Variants in SPIRE1 observed in about 807,000 individuals in gnomAD.
SPIRE1 encodes spire type actin nucleation factor 1, also known as protein spire homolog 1.
In SPIRE1, 40 loss-of-function variants were observed where a neutral mutation model predicts 94.1. The ratio of observed to expected loss-of-function variants is 0.43; its 90% CI spans 0.33 to 0.55. SPIRE1 has a LOEUF of 0.55. SPIRE1 is among the 20% of genes least tolerant of loss of function. The pLI is 0.06. For synonymous variants in SPIRE1, 376 were observed against 371.7 expected (o/e 1.01, Z -0.13); for missense variants, 838 against 975.2 (o/e 0.86, Z 1.87).
intron 4 of SPIRE1, among the ~76,000 whole-genome samples, chr18:12,522,316 G>T (rs927348719): frequency 8.5e-5 from 13 of 152,198 alleles, no homozygotes; most frequent in South Asian, 2.1e-4. Context: ...CTAATCCTAA[G>T]CAGGGCTCAA....
intron 6 of SPIRE1, among the ~76,000 whole-genome samples, chr18:12,505,961 A>G (rs893060673): frequency 1.3e-5 from 2 of 152,352 alleles, no homozygotes; most frequent in Admixed American, 1.3e-4. Flanking sequence ...ATTGATCAAC[A>G]TGTTAACAAA....
At chr18:12,655,803 G>T (rs577336195) in intron 1 of SPIRE1, among the ~76,000 whole-genome samples, 16 of 152,296 alleles carry the variant, frequency 1.1e-4, no homozygotes, top group Admixed American at 5.2e-4. Context: ...CTGGGGGCTT[G>T]TTCTCTCCGG....
At chr18:12,529,195 C>T (rs1366664728) in intron 4 of SPIRE1, among the ~76,000 whole-genome samples, 1 of 152,136 alleles carries the variant, frequency 6.6e-6, no homozygotes, top group African/African-American at 2.4e-5. Flanking sequence ...TGGTGAAACC[C>T]CGTCTCTACT....
rs766459543 is a variant in SPIRE1 at position 12,623,949 on chromosome 18, A to C, written c.372+11113T>G. 5.9e-4 allele frequency among the ~76,000 whole-genome samples: 82 copies of C among 139,276 alleles called. 1 individual carries two copies. The highest frequency in any genetic ancestry group is 3.0e-3 in the South Asian group (13 of 4,352). The allele number at this position is 139,276 out of a possible 152,430, so 91.4% of individuals were successfully genotyped here. A position where few individuals can be genotyped will look rare whatever the true frequency, so the allele number is the denominator to read the frequency against. Reference sequence around the variant, plus strand: ...GGCCTTTTTTTTTTTCTTGAGATGGAGTCTCACTCTGTCGCCCAGGTTGGT... The same window carrying C: ...GGCCTTTTTTTTTTTCTTGAGATGGCGTCTCACTCTGTCGCCCAGGTTGGT... On this transcript the variant is annotated intron_variant, in intron 2 of 16. Transcript: ENST00000409402.
chr18:12,641,596 T>C (rs2038087593), intron 1 of SPIRE1, among the ~76,000 whole-genome samples: 1 of 151,772 alleles, frequency 6.6e-6, no homozygotes, highest in Non-Finnish European at 1.5e-5. Flanking sequence ...CTTGATCTCT[T>C]GACCTCATGA....
At chr18:12,454,200 T>A (rs753017955) in intron 13 of SPIRE1, 146 bp downstream of exon 13, 4 of 907,080 alleles carry the variant, frequency 4.4e-6, no homozygotes, top group Non-Finnish European at 1.7e-6. Flanking sequence ...ACAGCACATG[T>A]ACTGTCTACT....
At chr18:12,453,447 T>C (rs1308158846) in intron 13 of SPIRE1, among the ~76,000 whole-genome samples, 1 of 151,824 alleles carries the variant, frequency 6.6e-6, no homozygotes, top group African/African-American at 2.4e-5. Context: ...TTTTTTTTTT[T>C]TTATGAGATG....
intron 2 of SPIRE1, among the ~76,000 whole-genome samples, chr18:12,553,863 G>A (rs1475407823): frequency 6.6e-6 from 1 of 151,980 alleles, no homozygotes; most frequent in Non-Finnish European, 1.5e-5. Flanking sequence ...ATAAATAAAA[G>A]TGAAACAACA....
At chr18:12,561,286 T>TTTTTTA (rs2035676178) in intron 2 of SPIRE1, among the ~76,000 whole-genome samples, 2 of 133,310 alleles carry the variant, frequency 1.5e-5, no homozygotes, top group African/African-American at 5.1e-5. Flanking sequence ...TTTTTTTTTT[T>TTTTTTA]GAGACGGAGT....
intron 2 of SPIRE1, among the ~76,000 whole-genome samples, chr18:12,617,133 T>C (rs1026620521): frequency 1.4e-5 from 2 of 147,664 alleles, no homozygotes; most frequent in African/African-American, 5.0e-5. Context: ...GTGCTGGGAT[T>C]ACAGGCATGA....
At chr18:12,500,612 T>C (rs914792624) in intron 6 of SPIRE1, among the ~76,000 whole-genome samples, 6 of 152,026 alleles carry the variant, frequency 3.9e-5, no homozygotes, top group African/African-American at 1.4e-4. Context: ...CACTCCCAGG[T>C]ATATACCCCA....
chr18:12,475,056 A>G (rs1402848706), intron 10 of SPIRE1, among the ~76,000 whole-genome samples: 1 of 152,174 alleles, frequency 6.6e-6, no homozygotes, highest in African/African-American at 2.4e-5. Flanking sequence ...CAGAGTCACT[A>G]GATGCCAGAC....
chr18:12,547,346 T>C (rs2035203535), intron 2 of SPIRE1, among the ~76,000 whole-genome samples: 1 of 152,148 alleles, frequency 6.6e-6, no homozygotes, highest in Non-Finnish European at 1.5e-5. Flanking sequence ...AACACATCTC[T>C]CTCAGACGAT....
chr18:12,558,108 C>T (rs143261626), intron 2 of SPIRE1, among the ~76,000 whole-genome samples: 3,869 of 152,276 alleles, frequency 0.025, 169 homozygotes, highest in African/African-American at 0.088. Flanking sequence ...GTCTCACTGA[C>T]TTCAAGAATG....
chr18:12,481,735 A>G (rs1178525620), intron 9 of SPIRE1, among the ~76,000 whole-genome samples: 2 of 152,336 alleles, frequency 1.3e-5, no homozygotes, highest in South Asian at 4.1e-4. Context: ...TGAAAGGGAC[A>G]AAAGGCAAAA....
At chr18:12,567,964 C>T (rs925858383) in intron 2 of SPIRE1, among the ~76,000 whole-genome samples, 1 of 152,220 alleles carries the variant, frequency 6.6e-6, no homozygotes, top group African/African-American at 2.4e-5. Context: ...GCTGCTTTAA[C>T]TCTGCTGTTC....
intron 2 of SPIRE1, among the ~76,000 whole-genome samples, chr18:12,604,000 C>T (rs2144652530): frequency 6.6e-6 from 1 of 152,188 alleles, no homozygotes; most frequent in Non-Finnish European, 1.5e-5. Context: ...GGGTGGTGAG[C>T]CTGTACTGGG....
At position 12,479,879 on chromosome 18, in the gene SPIRE1, A is replaced by C; in HGVS notation, c.1232-8T>G. ...ATTCAGGGGTAGTCACATCTGGTAAAAAAGCAAAAGCTTACCTTTTCTTGA... is the reference window on the plus strand; with the variant it reads ...ATTCAGGGGTAGTCACATCTGGTAACAAAGCAAAAGCTTACCTTTTCTTGA... On this transcript the variant is annotated splice_region_variant and splice_polypyrimidine_tract_variant and intron_variant, in intron 9 of 16. Coordinates refer to ENST00000409402, the MANE Select transcript of SPIRE1 (RefSeq NM_001128626.2). The C allele has an allele frequency of 6.2e-7, 1 of 1,609,900 alleles. No individual in the cohort carries two copies. Among genetic ancestry groups the C allele is most frequent in the South Asian group, 1.1e-5 (1 of 90,224 alleles).
chr18:12,537,448 C>T, intron 3 of SPIRE1, among the ~76,000 whole-genome samples: 1 of 152,182 alleles, frequency 6.6e-6, no homozygotes, highest in East Asian at 1.9e-4. Flanking sequence ...CAAACACATG[C>T]ATATGTGCCT....
Sources: allele counts gnomAD v4.1 joint callset (sites outside exome capture counted in the v4.1 genomes callset), GRCh38; gene constraint gnomAD v4.1.1; transcripts MANE v1.5; gene names NCBI Gene and HGNC (gene_info 2026-07-23, HGNC 2026-07-21).